Variants in LINGO2 observed in about 807,000 individuals in gnomAD.
The protein encoded by LINGO2 is leucine rich repeat and Ig domain containing 2, also known as leucine-rich repeat and immunoglobulin-like domain-containing nogo receptor-interacting protein 2.
Under a neutral mutation model 30.6 loss-of-function variants are expected in LINGO2, and 14 were observed. The observed-to-expected ratio is 0.46, with a 90% CI of 0.30 to 0.72. The LOEUF (loss-of-function observed/expected upper bound fraction) is 0.72, where lower values mean the gene tolerates loss of function less well. LINGO2 is among the 30% of genes least tolerant of loss of function. LINGO2 has a pLI of 0.07. For synonymous variants in LINGO2, 317 were observed against 288.5 expected, an observed-to-expected ratio of 1.10 and a Z score of -1.00; for missense variants, 729 against 751.7, an observed-to-expected ratio of 0.97 and a Z score of 0.35.
the LINGO2 span, among the ~76,000 whole-genome samples, chr9:29,043,768 AT>A: frequency 7.9e-5 from 12 of 152,160 alleles, no homozygotes; most frequent in African/African-American, 2.4e-5. Flanking sequence ...AAACACAGTT[AT>A]ATGCAGTGAC....
At chr9:28,165,147 CT>C (rs1341162237) in intron 4 of LINGO2, among the ~76,000 whole-genome samples, 1 of 152,344 alleles carries the variant, frequency 6.6e-6, no homozygotes, top group South Asian at 2.1e-4. Context: ...TTTTAGGACA[CT>C]TTAAGTGCAA....
At chr9:28,424,022 A>C (rs1448078513) in intron 2 of LINGO2, among the ~76,000 whole-genome samples, 1 of 152,030 alleles carries the variant, frequency 6.6e-6, no homozygotes, top group Non-Finnish European at 1.5e-5. Context: ...TAGTGTTAAG[A>C]CTGGTATTAT....
At chr9:29,102,393 T>C in the LINGO2 span, among the ~76,000 whole-genome samples, 1 of 152,188 alleles carries the variant, frequency 6.6e-6, no homozygotes, top group South Asian at 2.1e-4. Flanking sequence ...TCTGCAGCTT[T>C]TTAAAAAAAT....
the LINGO2 span, among the ~76,000 whole-genome samples, chr9:28,922,118 CCT>C: frequency 2.0e-5 from 3 of 152,176 alleles, no homozygotes; most frequent in South Asian, 4.1e-4. Flanking sequence ...TTCTGCATAT[CCT>C]CTTTCATTAC....
chr9:28,001,464 C>A (rs1483252040), intron 5 of LINGO2, among the ~76,000 whole-genome samples: 7 of 152,154 alleles, frequency 4.6e-5, no homozygotes, highest in Admixed American at 4.6e-4. Flanking sequence ...CTTTCAACTC[C>A]CAGATAAGAA....
At chr9:27,957,494 A>C (rs554778051) in intron 5 of LINGO2, among the ~76,000 whole-genome samples, 11 of 152,180 alleles carry the variant, frequency 7.2e-5, no homozygotes, top group Non-Finnish European at 1.6e-4. Flanking sequence ...GGGTTTCAAC[A>C]TGTTGGCCAG....
At chr9:28,604,947 C>A (rs1464288713) in intron 1 of LINGO2, among the ~76,000 whole-genome samples, 2 of 151,824 alleles carry the variant, frequency 1.3e-5, no homozygotes, top group South Asian at 2.1e-4. Flanking sequence ...TTTTTATTTG[C>A]ATTTTATATA....
intron 4 of LINGO2, among the ~76,000 whole-genome samples, chr9:28,134,982 G>T (rs564790697): frequency 1.8e-4 from 28 of 152,298 alleles, no homozygotes; most frequent in Admixed American, 3.3e-4. Flanking sequence ...GAGCTGCAAA[G>T]CCTAGAAGGC....
the LINGO2 span, among the ~76,000 whole-genome samples, chr9:28,715,945 A>G: frequency 6.6e-6 from 1 of 152,022 alleles, no homozygotes; most frequent in African/African-American, 2.4e-5. Flanking sequence ...GCCAAGTTGA[A>G]TTTGAATTTG....
chr9:27,950,510 GC>G lies in LINGO2; in HGVS notation c.161del (p.Gly54AlafsTer16). 1 of 1,591,344 alleles carries G rather than the reference GC, an allele frequency of 6.3e-7. No individual in the cohort carries two copies. Among genetic ancestry groups the G allele is most frequent in the Non-Finnish European group, 8.6e-7 (1 of 1,167,184 alleles). On this transcript the variant is annotated frameshift_variant, in exon 6 of 6. Transcript: ENST00000379992. LOFTEE classifies it high-confidence loss of function. ...CCAAGATTTTGGTTTCGATGGGAAT[GC>G]CCTCTGGGATGGCGATCAATCGCCT...
chr9:28,028,584 C>T (rs12339830), intron 4 of LINGO2, among the ~76,000 whole-genome samples: 4 of 151,868 alleles, frequency 2.6e-5, no homozygotes, highest in African/African-American at 7.3e-5. Context: ...GTTTCCAGGA[C>T]CCCCATAGAT....
At chr9:28,233,008 C>A (rs1230508825) in intron 4 of LINGO2, among the ~76,000 whole-genome samples, 6 of 125,060 alleles carry the variant, frequency 4.8e-5, no homozygotes, top group Admixed American at 2.4e-4. Flanking sequence ...GCTTATACTT[C>A]TCATGAGAGA....
chr9:28,584,646 C>A (rs371878986), intron 1 of LINGO2, among the ~76,000 whole-genome samples: 3 of 151,896 alleles, frequency 2.0e-5, no homozygotes, highest in African/African-American at 7.2e-5. Context: ...AAGGCTCCTG[C>A]GATGACTAAT....
intron 3 of LINGO2, among the ~76,000 whole-genome samples, chr9:28,348,109 AT>A (rs961410047): frequency 6.6e-6 from 1 of 152,110 alleles, no homozygotes; most frequent in African/African-American, 2.4e-5. Flanking sequence ...ATGAAGAAAT[AT>A]TTTCATGACA....
At chr9:29,178,555 A>C in the LINGO2 span, among the ~76,000 whole-genome samples, 1 of 152,126 alleles carries the variant, frequency 6.6e-6, no homozygotes, top group Admixed American at 6.5e-5. Flanking sequence ...ACTGTAGCAA[A>C]AAAAAGACAG....
At chr9:28,140,248 T>C (rs1827634778) in intron 4 of LINGO2, among the ~76,000 whole-genome samples, 1 of 152,190 alleles carries the variant, frequency 6.6e-6, no homozygotes, top group East Asian at 1.9e-4. Context: ...AATCTACCAG[T>C]GGCAACTAGA....
intron 4 of LINGO2, among the ~76,000 whole-genome samples, chr9:28,236,849 C>A (rs922262553): frequency 1.3e-5 from 2 of 151,730 alleles, no homozygotes; most frequent in African/African-American, 2.4e-5. Flanking sequence ...GAACTATAGT[C>A]AATAATAATT....
At chr9:28,450,595 A>G (rs1348115012) in intron 2 of LINGO2, among the ~76,000 whole-genome samples, 2 of 152,070 alleles carry the variant, frequency 1.3e-5, no homozygotes, top group African/African-American at 4.8e-5. Flanking sequence ...ACACTGAAGT[A>G]TGATCAGTCA....
At position 28,613,284 on chromosome 9, in the gene LINGO2, A is replaced by G. The variant is rs544652424; in HGVS notation, c.-365+56916T>C. On this transcript the variant is annotated intron_variant, in intron 1 of 5. Transcript: ENST00000379992. ...TAAATATGTATCATATATAATGTATATTGATGTATTAGTATACATAAATAC... is the reference window on the plus strand; with the variant it reads ...TAAATATGTATCATATATAATGTATGTTGATGTATTAGTATACATAAATAC... Among the ~76,000 whole-genome samples, 318 of 152,196 alleles carry G rather than the reference A, an allele frequency of 2.1e-3. 2 individuals carry two copies. Among genetic ancestry groups the G allele is most frequent in the African/African-American group, 7.1e-3 (296 of 41,520 alleles).
Sources: allele counts gnomAD v4.1 joint callset (sites outside exome capture counted in the v4.1 genomes callset), GRCh38; gene constraint gnomAD v4.1.1; transcripts MANE v1.5; gene names NCBI Gene and HGNC (gene_info 2026-07-23, HGNC 2026-07-21).